The following BMPR1A variants were observed in gnomAD, a reference collection of about 807,000 sequenced individuals.
BMPR1A encodes bone morphogenetic protein receptor type 1A.
Under a neutral mutation model 66.0 loss-of-function variants are expected in BMPR1A, and 7 were observed. The observed-to-expected ratio is 0.11, with a 90% CI of 0.06 to 0.20. BMPR1A has a LOEUF of 0.20. Ranked by LOEUF, BMPR1A falls within the 10% of genes least tolerant of loss-of-function variation. The pLI is 1.00. For synonymous variants in BMPR1A, 200 were observed against 229.7 expected, an observed-to-expected ratio of 0.87 and a Z score of 1.17; for missense variants, 408 against 669.1, an observed-to-expected ratio of 0.61 and a Z score of 4.31.
intron 1 of BMPR1A, among the ~76,000 whole-genome samples, chr10:86,817,444 A>T (rs1842050705): frequency 6.6e-6 from 1 of 152,252 alleles, no homozygotes; most frequent in Non-Finnish European, 1.5e-5. Context: ...AAGGCTGAAC[A>T]ATACTCCATT....
At chr10:86,849,611 T>G (rs1401184304) in intron 2 of BMPR1A, among the ~76,000 whole-genome samples, 6 of 152,226 alleles carry the variant, frequency 3.9e-5, no homozygotes, top group Non-Finnish European at 8.8e-5. Context: ...TATAAGCTTC[T>G]AGAACTACAC....
chr10:86,815,579 C>A (rs1329460326), intron 1 of BMPR1A, among the ~76,000 whole-genome samples: 1 of 152,174 alleles, frequency 6.6e-6, no homozygotes. Context: ...TCAGTCTTTA[C>A]CTCTCTCAAG....
chr10:86,820,347 C>CT (rs1297232075), intron 1 of BMPR1A, among the ~76,000 whole-genome samples: 7 of 151,452 alleles, frequency 4.6e-5, no homozygotes, highest in Non-Finnish European at 5.9e-5. Context: ...CCAGAATCAC[C>CT]TTTTTTTAGT....
intron 1 of BMPR1A, among the ~76,000 whole-genome samples, chr10:86,835,493 G>A (rs1390540338): frequency 7.5e-6 from 1 of 134,198 alleles, no homozygotes; most frequent in Non-Finnish European, 1.5e-5. Flanking sequence ...AGAGGTTGCA[G>A]TGAGCTGAGA....
At chr10:86,762,504 C>T (rs1841083620) in intron 1 of BMPR1A, among the ~76,000 whole-genome samples, 2 of 152,194 alleles carry the variant, frequency 1.3e-5, no homozygotes, top group South Asian at 2.1e-4. Context: ...GTTTAACAGG[C>T]GCCCGCCAAT....
In BMPR1A at chr10:86,923,367, C is replaced by G; in HGVS notation, c.1343-9C>G. 6.2e-7 allele frequency: 1 copy of G among 1,614,018 alleles called. No individual in the cohort carries two copies. Among genetic ancestry groups the G allele is most frequent in the Non-Finnish European group, 8.5e-7 (1 of 1,180,012 alleles). ...ATTTTTGTGCCCATGTTTTCTCATTCCCTTATAGGGATCGTGGAAGAATAC... is the reference window on the plus strand; with the variant it reads ...ATTTTTGTGCCCATGTTTTCTCATTGCCTTATAGGGATCGTGGAAGAATAC... On this transcript the variant is annotated splice_polypyrimidine_tract_variant and intron_variant, in intron 11 of 12. Coordinates refer to ENST00000372037, the MANE Select transcript of BMPR1A (RefSeq NM_004329.3).
At chr10:86,846,286 A>C (rs1242045158) in intron 2 of BMPR1A, among the ~76,000 whole-genome samples, 1 of 152,174 alleles carries the variant, frequency 6.6e-6, no homozygotes, top group African/African-American at 2.4e-5. Context: ...GGGCCTATGT[A>C]GAGCCTTCCT....
intron 7 of BMPR1A, among the ~76,000 whole-genome samples, chr10:86,906,915 A>G (rs1038470359): frequency 2.7e-5 from 4 of 150,740 alleles, no homozygotes; most frequent in African/African-American, 4.9e-5. Context: ...CTATTTACCT[A>G]TTTTCAAATG....
At chr10:86,871,314 T>G (rs1842852725) in intron 2 of BMPR1A, among the ~76,000 whole-genome samples, 1 of 152,202 alleles carries the variant, frequency 6.6e-6, no homozygotes, top group Admixed American at 6.5e-5. Flanking sequence ...GTTTGGTGTC[T>G]TGAGTATCTT....
chr10:86,887,876 C>T lies in BMPR1A; in HGVS notation c.68-2186C>T, dbSNP rs535965743. Among the ~76,000 whole-genome samples, 78 of 152,306 alleles carry T rather than the reference C, an allele frequency of 5.1e-4. No individual in the cohort carries two copies. The South Asian group carries it at 6.4e-3, about 13-fold the overall frequency. The stretch of plus-strand genomic sequence containing the variant: ...AAAGGTGACATGGCTTGCCCAAGAC[C>T]ATCCAGCTAGGTAAAGCGGGGTAGG... On this transcript the variant is annotated intron_variant, in intron 3 of 12. Transcript: ENST00000372037.
At chr10:86,791,359 C>T (rs952348662) in intron 1 of BMPR1A, among the ~76,000 whole-genome samples, 2 of 151,756 alleles carry the variant, frequency 1.3e-5, no homozygotes, top group Admixed American at 6.6e-5. Context: ...ACTACAGGCA[C>T]GTGCCACCAT....
At chr10:86,793,103 C>CCCG (rs1554879219) in intron 1 of BMPR1A, among the ~76,000 whole-genome samples, 1 of 137,416 alleles carries the variant, frequency 7.3e-6, no homozygotes, top group Non-Finnish European at 1.6e-5. Flanking sequence ...TACCCCCCCC[C>CCCG]ACCCCCCGCC....
chr10:86,797,247 T>TTTTTTTTTTTTTTTTTTG (rs1372738374), intron 1 of BMPR1A, among the ~76,000 whole-genome samples: 2 of 124,966 alleles, frequency 1.6e-5, no homozygotes, highest in African/African-American at 5.5e-5. Context: ...TTTTTTTTTT[T>TTTTTTTTTTTTTTTTTTG]TGAGACGGAG....
chr10:86,865,828 T>G (rs1842779442), intron 2 of BMPR1A, among the ~76,000 whole-genome samples: 1 of 152,218 alleles, frequency 6.6e-6, no homozygotes. Flanking sequence ...AAAAGTCACC[T>G]ACATATTTTT....
chr10:86,926,100 G>A lies in BMPR1A; in HGVS notation c.*2381G>A. On this transcript the variant is annotated 3_prime_UTR_variant, in exon 13 of 13. Transcript: ENST00000372037. ...GCCAGTATATGAGACCACTATTATG[G>A]TTTTTTAAAATTAACTTGGTCTAGT... 1 of 171,922 alleles carries A rather than the reference G, an allele frequency of 5.8e-6. No homozygotes were observed. The highest frequency in any genetic ancestry group is 1.3e-5 in the Non-Finnish European group (1 of 79,432). 10.6% of individuals were successfully genotyped at this position (171,922 alleles called of 1,614,324 possible). A position where few individuals can be genotyped will look rare whatever the true frequency, so the allele number is the denominator to read the frequency against.
Position 86,926,087 on chromosome 10 carries a change from G to A in BMPR1A, c.*2368G>A, listed in dbSNP as rs1713114033. 5.8e-6 allele frequency: 1 copy of A among 172,806 alleles called. No individual in the cohort carries two copies. The highest frequency in any genetic ancestry group is 1.3e-5 in the Non-Finnish European group (1 of 79,942). The allele number at this position is 172,806 out of a possible 1,614,324, so 10.7% of individuals were successfully genotyped here. A position where few individuals can be genotyped will look rare whatever the true frequency, so the allele number is the denominator to read the frequency against. ...GCAAAAAATTACAGCCAGTATATGA[G>A]ACCACTATTATGGTTTTTTAAAATT... On this transcript the variant is annotated 3_prime_UTR_variant, in exon 13 of 13. Transcript: ENST00000372037.
intron 3 of BMPR1A, among the ~76,000 whole-genome samples, chr10:86,881,703 A>G (rs1019648619): frequency 6.6e-6 from 1 of 152,216 alleles, no homozygotes; most frequent in Non-Finnish European, 1.5e-5. Context: ...GACTGTGGTA[A>G]ATACTATACT....
intron 1 of BMPR1A, among the ~76,000 whole-genome samples, chr10:86,768,231 TA>T (rs1841198661): frequency 6.6e-6 from 1 of 152,166 alleles, no homozygotes; most frequent in Admixed American, 6.5e-5. Context: ...GGGATAATAA[TA>T]AAGTAACGTT....
chr10:86,855,727 T>G (rs1278856968), intron 2 of BMPR1A: 1 of 856,824 alleles, frequency 1.2e-6, no homozygotes, highest in East Asian at 2.4e-5. Flanking sequence ...TGGCATTAGC[T>G]TTGAGACCAG....
Sources: allele counts gnomAD v4.1 joint callset (sites outside exome capture counted in the v4.1 genomes callset), GRCh38; gene constraint gnomAD v4.1.1; transcripts MANE v1.5; gene names NCBI Gene and HGNC (gene_info 2026-07-23, HGNC 2026-07-21).